Variants in ZNF566 observed in about 807,000 individuals in gnomAD.
ZNF566 encodes the protein zinc finger protein 566.
Under a neutral mutation model 32.8 loss-of-function variants are expected in ZNF566, and 27 were observed. The ratio of observed to expected loss-of-function variants is 0.82; its 90% confidence interval spans 0.61 to 1.14. The LOEUF (loss-of-function observed/expected upper bound fraction) is 1.14, where lower values mean the gene tolerates loss of function less well. Ranked by LOEUF, ZNF566 falls within the 50% of genes most tolerant of loss-of-function variation. The pLI is 0.00. For synonymous variants in ZNF566, 154 were observed against 159.5 expected (o/e 0.97, Z 0.26); for missense variants, 402 against 490.4 (o/e 0.82, Z 1.70).
At chr19:36,481,297 C>A (rs988269157) in intron 1 of ZNF566, among the ~76,000 whole-genome samples, 2 of 151,690 alleles carry the variant, frequency 1.3e-5, no homozygotes, top group Non-Finnish European at 2.9e-5. Context: ...ATGGTGGAAC[C>A]CCATCTCTAC....
intron 4 of ZNF566, among the ~76,000 whole-genome samples, chr19:36,469,831 A>G (rs1222782624): frequency 6.6e-6 from 1 of 152,228 alleles, no homozygotes; most frequent in Non-Finnish European, 1.5e-5. Flanking sequence ...TAAAGAATGC[A>G]TATATGCATA....
chr19:36,475,193 G>A (rs2033854682), intron 2 of ZNF566, among the ~76,000 whole-genome samples: 1 of 152,120 alleles, frequency 6.6e-6, no homozygotes, highest in African/African-American at 2.4e-5. Flanking sequence ...CTACAGGCGT[G>A]CACCAACATG....
chr19:36,484,441 A>G lies in ZNF566; in HGVS notation c.-60+5045T>C, dbSNP rs181289957. Among the ~76,000 whole-genome samples, 42 of 152,326 alleles carry G rather than the reference A, an allele frequency of 2.8e-4. No individual in the cohort carries two copies. The East Asian group carries it at 6.6e-3, about 24-fold the overall frequency. On this transcript the variant is annotated intron_variant, in intron 1 of 4. Transcript: ENST00000452939. ...AGCTCTTCCTTATAGTAGAATTTAA[A>G]TTATCAAAGTGTAAGAAATGATAGA...
chr19:36,488,017 G>A (rs1485760515), intron 1 of ZNF566, among the ~76,000 whole-genome samples: 1 of 151,964 alleles, frequency 6.6e-6, no homozygotes, highest in Admixed American at 6.6e-5. Flanking sequence ...CTCAGGTCCT[G>A]GCAAAGTTCT....
intron 4 of ZNF566, among the ~76,000 whole-genome samples, chr19:36,455,049 T>C (rs2033264403): frequency 6.6e-6 from 1 of 152,182 alleles, no homozygotes. Flanking sequence ...GATTTATTCC[T>C]AGGATGCAGG....
At chr19:36,464,698 T>A (rs541905807) in intron 4 of ZNF566, among the ~76,000 whole-genome samples, 1 of 151,908 alleles carries the variant, frequency 6.6e-6, no homozygotes, top group Non-Finnish European at 1.5e-5. Flanking sequence ...CACCTGAGCC[T>A]AGGAGGTAGA....
intron 4 of ZNF566, among the ~76,000 whole-genome samples, chr19:36,454,323 C>T (rs944011896): frequency 6.6e-6 from 1 of 151,778 alleles, no homozygotes; most frequent in Non-Finnish European, 1.5e-5. Context: ...AAGAGAAAGA[C>T]ATCAAATCAT....
At chr19:36,468,324 G>A (rs1452417066) in intron 4 of ZNF566, among the ~76,000 whole-genome samples, 6 of 151,862 alleles carry the variant, frequency 4.0e-5, no homozygotes, top group African/African-American at 7.3e-5. Flanking sequence ...TAGGTAGCTC[G>A]GCTGGGTGAA....
chr19:36,480,712 G>A (rs1429240315), intron 1 of ZNF566, among the ~76,000 whole-genome samples: 5 of 151,330 alleles, frequency 3.3e-5, no homozygotes, highest in Non-Finnish European at 5.9e-5. Flanking sequence ...AGGGATCACA[G>A]ACTTAAGTGT....
intron 1 of ZNF566, among the ~76,000 whole-genome samples, chr19:36,483,858 A>G (rs1023576786): frequency 2.0e-5 from 3 of 152,048 alleles, no homozygotes; most frequent in Admixed American, 1.3e-4. Context: ...AAAAATCAGA[A>G]GTGAGGTGGA....
At position 36,447,336 on chromosome 19, in the gene ZNF566, C is replaced by T. The variant is rs2033020033; in HGVS notation, c.*1641G>A. ...GTACTTCTATATAACTGAAATAGTTCCTTGAACATTTGATAAAGTTTTCCT... is the reference window on the plus strand; with the variant it reads ...GTACTTCTATATAACTGAAATAGTTTCTTGAACATTTGATAAAGTTTTCCT... On this transcript the variant is annotated 3_prime_UTR_variant, in exon 5 of 5. Transcript: ENST00000452939. The T allele has an allele frequency of 6.6e-6, 1 of 152,084 alleles. No individual in the cohort carries two copies. The highest frequency in any genetic ancestry group is 1.5e-5 in the Non-Finnish European group (1 of 68,018). 9.4% of individuals were successfully genotyped at this position (152,084 alleles called of 1,614,324 possible).
intron 4 of ZNF566, among the ~76,000 whole-genome samples, chr19:36,461,095 C>T (rs1257143279): frequency 1.3e-5 from 2 of 152,140 alleles, no homozygotes; most frequent in Admixed American, 1.3e-4. Context: ...GCTTGTACCC[C>T]TTCTCAAAGG....
In ZNF566 at chr19:36,448,114, CAATA is replaced by C. The variant is rs1365910852; in HGVS notation, c.*859_*862del. On this transcript the variant is annotated 3_prime_UTR_variant, in exon 5 of 5. Transcript: ENST00000452939. ...TATATATGAACAGAAAAATGATCAG[CAATA>C]AATAATGAACTGATAAAGACTATCC... 3 of 152,034 alleles carry C rather than the reference CAATA, an allele frequency of 2.0e-5. No homozygotes were observed. The highest frequency in any genetic ancestry group is 2.9e-5 in the Non-Finnish European group (2 of 67,984). The allele number at this position is 152,034 out of a possible 1,614,324, so 9.4% of individuals were successfully genotyped here. A position where few individuals can be genotyped will look rare whatever the true frequency, so the allele number is the denominator to read the frequency against.
At chr19:36,459,721 A>G (rs527981149) in intron 4 of ZNF566, among the ~76,000 whole-genome samples, 5 of 150,458 alleles carry the variant, frequency 3.3e-5, no homozygotes, top group African/African-American at 9.8e-5. Context: ...CATGTTGGCC[A>G]GGCTGGTCTC....
At chr19:36,477,829 A>G (rs2033935396) in intron 1 of ZNF566, among the ~76,000 whole-genome samples, 1 of 152,054 alleles carries the variant, frequency 6.6e-6, no homozygotes, top group Admixed American at 6.6e-5. Flanking sequence ...TGTATTCTTT[A>G]TAAACATCTT....
intron 2 of ZNF566, 90 bp downstream of exon 2, chr19:36,476,459 A>G: frequency 9.3e-7 from 1 of 1,079,226 alleles, no homozygotes; most frequent in South Asian, 1.5e-5. Flanking sequence ...TTTTTCTAAC[A>G]TCAAAAAGCA....
chr19:36,470,105 G>C (rs1455114396), intron 4 of ZNF566, among the ~76,000 whole-genome samples: 1 of 152,138 alleles, frequency 6.6e-6, no homozygotes, highest in African/African-American at 2.4e-5. Flanking sequence ...CTAGGTATCA[G>C]GGTGCTTCAG....
At chr19:36,471,229 A>T (rs990159988) in intron 4 of ZNF566, among the ~76,000 whole-genome samples, 34 of 152,012 alleles carry the variant, frequency 2.2e-4, no homozygotes, top group South Asian at 4.2e-4. Context: ...AAAAAAAAAA[A>T]AAATAATGAG....
intron 1 of ZNF566, among the ~76,000 whole-genome samples, chr19:36,482,211 T>C (rs1356751817): frequency 1.3e-5 from 2 of 152,214 alleles, no homozygotes; most frequent in Non-Finnish European, 2.9e-5. Context: ...GTTCACGCCA[T>C]TCTCCTGCCT....
Sources: allele counts gnomAD v4.1 joint callset (sites outside exome capture counted in the v4.1 genomes callset), GRCh38; gene constraint gnomAD v4.1.1; transcripts MANE v1.5; gene names NCBI Gene and HGNC (gene_info 2026-07-23, HGNC 2026-07-21).